TANK: variants seen among roughly 807,000 people sequenced by gnomAD.
The protein encoded by TANK is TRAF family member associated NFKB activator, also known as TRAF family member-associated NF-kappa-B activator.
TANK carries 15 observed loss-of-function variants against 43.6 expected under a neutral mutation model. That is an observed-to-expected ratio of 0.34 (90% confidence interval 0.23 to 0.53). The LOEUF (loss-of-function observed/expected upper bound fraction) is 0.53. TANK is among the 20% of genes least tolerant of loss of function. The pLI is 0.94. For missense variants in TANK, 417 were observed against 498.6 expected (o/e 0.84, Z 1.56); for synonymous variants, 162 against 178.2 (o/e 0.91, Z 0.73).
At position 161,187,666 on chromosome 2, in the gene TANK, C is replaced by T. The variant is rs1018733721; in HGVS notation, c.99+7905C>T. On this transcript the variant is annotated intron_variant, in intron 2 of 7. Transcript: ENST00000392749. ...TAAACACTTTAAATAATGGATAGAA[C>T]AACTAGACAAAAGATCTGTATGGAA... 2.6e-5 allele frequency among the ~76,000 whole-genome samples: 4 copies of T among 152,100 alleles called. No homozygotes were observed. In the East Asian group the frequency reaches 7.7e-4, roughly 29 times the overall value.
At chr2:161,194,390 A>G (rs562985162) in intron 2 of TANK, among the ~76,000 whole-genome samples, 236 of 152,236 alleles carry the variant, frequency 1.6e-3, no homozygotes, top group African/African-American at 5.4e-3. Flanking sequence ...CCTTAATTCT[A>G]AAATTATTCA....
At chr2:161,162,600 C>G (rs1314977162) in intron 1 of TANK, 2 of 151,906 alleles carry the variant, frequency 1.3e-5, no homozygotes, top group Non-Finnish European at 2.9e-5. Context: ...TATCTTGTTT[C>G]TTAGTTTGGG....
chr2:161,166,799 A>AAAAAAAC (rs1684702098), intron 1 of TANK, among the ~76,000 whole-genome samples: 1 of 152,096 alleles, frequency 6.6e-6, no homozygotes. Context: ...CTGTCTCAAA[A>AAAAAAAC]AAAAAACAAA....
At chr2:161,191,853 G>T (rs1036548293) in intron 2 of TANK, among the ~76,000 whole-genome samples, 3 of 151,906 alleles carry the variant, frequency 2.0e-5, no homozygotes, top group Non-Finnish European at 2.9e-5. Context: ...GAGTGCAGTG[G>T]CGCTCACTTG....
At chr2:161,194,427 T>C (rs1574016574) in intron 2 of TANK, among the ~76,000 whole-genome samples, 2 of 152,168 alleles carry the variant, frequency 1.3e-5, no homozygotes, top group East Asian at 3.8e-4. Flanking sequence ...AACTGCTTTT[T>C]CTTTGTACCG....
At chr2:161,233,030 G>A (rs1198606318) in intron 7 of TANK, 27 of 614,898 alleles carry the variant, frequency 4.4e-5, no homozygotes, top group Non-Finnish European at 7.1e-5. Context: ...TATTTTATTA[G>A]TATTAATAAA....
Position 161,226,564 on chromosome 2 carries a change from G to A in TANK, c.520+1818G>A, listed in dbSNP as rs373163580. Among the ~76,000 whole-genome samples the A allele has an allele frequency of 4.6e-5, 7 of 152,146 alleles. No individual in the cohort carries two copies. In the East Asian group the frequency reaches 5.8e-4, roughly 13 times the overall value. Reference sequence around the variant, plus strand: ...TGAATATGATTTGCACAATATATCTGGGAAGAGTACGTGTATTGTCCCTAT... The same window carrying A: ...TGAATATGATTTGCACAATATATCTAGGAAGAGTACGTGTATTGTCCCTAT... On this transcript the variant is annotated intron_variant, in intron 6 of 7. Coordinates refer to ENST00000392749, the MANE Select transcript of TANK (RefSeq NM_001199135.3).
intron 1 of TANK, among the ~76,000 whole-genome samples, chr2:161,177,725 A>G (rs1435314556): frequency 6.6e-6 from 1 of 152,154 alleles, no homozygotes; most frequent in Non-Finnish European, 1.5e-5. Context: ...GACACTATCA[A>G]GAAGTGAAAA....
chr2:161,209,302 C>T (rs1686780092), intron 4 of TANK, among the ~76,000 whole-genome samples: 1 of 152,078 alleles, frequency 6.6e-6, no homozygotes, highest in Non-Finnish European at 1.5e-5. Context: ...CAAAAATGCA[C>T]ACAATTATTC....
chr2:161,229,291 C>T (rs1033654701), intron 6 of TANK, among the ~76,000 whole-genome samples: 1 of 152,106 alleles, frequency 6.6e-6, no homozygotes, highest in Non-Finnish European at 1.5e-5. Flanking sequence ...GGAGAGATGA[C>T]CAGGGGCCAG....
At chr2:161,199,888 A>G (rs569115479) in intron 2 of TANK, among the ~76,000 whole-genome samples, 1 of 152,190 alleles carries the variant, frequency 6.6e-6, no homozygotes. Flanking sequence ...TATACAAATA[A>G]CATAATAATA....
At chr2:161,139,897 A>AACAATTT in intron 1 of TANK, 2 of 984,604 alleles carry the variant, frequency 2.0e-6, no homozygotes, top group Non-Finnish European at 2.4e-6. Context: ...CAACTGTGGT[A>AACAATTT]AGCAAAATGT....
At position 161,203,566 on chromosome 2, in the gene TANK, C is replaced by T. The variant is rs538780037; in HGVS notation, c.179C>T (p.Ser60Phe). Reference protein sequence around the residue: ...LQQTIIDKLKSQLLLVNSTQD... With the variant: ...LQQTIIDKLKFQLLLVNSTQD... ...CAGACTATTATTGACAAGCTAAAAT[C>T]TCAGTTACTTCTTGTGAATTCCACT... The change falls in exon 3 of 8, where the codon TCT becomes TTT. Residue 60 changes from serine to phenylalanine, a missense_variant. Coordinates refer to ENST00000392749, the MANE Select transcript of TANK (RefSeq NM_001199135.3). 1.1e-5 allele frequency: 17 copies of T among 1,611,020 alleles called. No homozygotes were observed. The South Asian group carries it at 1.5e-4, about 15-fold the overall frequency.
intron 1 of TANK, among the ~76,000 whole-genome samples, chr2:161,146,642 C>T (rs1011890184): frequency 6.6e-6 from 1 of 152,116 alleles, no homozygotes; most frequent in Non-Finnish European, 1.5e-5. Flanking sequence ...TTTGCTCTTG[C>T]ACCTGGAGAC....
chr2:161,215,496 T>TTGA (rs1022722427), intron 4 of TANK, among the ~76,000 whole-genome samples: 4 of 152,224 alleles, frequency 2.6e-5, no homozygotes, highest in Non-Finnish European at 5.9e-5. Flanking sequence ...AAAAGATAGT[T>TTGA]TGATAGTAGA....
At chr2:161,144,718 T>A (rs1482276696) in intron 1 of TANK, among the ~76,000 whole-genome samples, 3 of 152,218 alleles carry the variant, frequency 2.0e-5, no homozygotes, top group Admixed American at 6.5e-5. Flanking sequence ...TACTTCCAAT[T>A]ATGTGGTCTA....
intron 1 of TANK, among the ~76,000 whole-genome samples, chr2:161,171,458 A>G (rs951463736): frequency 2.6e-5 from 4 of 152,212 alleles, no homozygotes; most frequent in Non-Finnish European, 5.9e-5. Flanking sequence ...CCAGCAGCCT[A>G]TGGATGTCCT....
intron 1 of TANK, among the ~76,000 whole-genome samples, chr2:161,168,991 A>T (rs1337546336): frequency 6.6e-6 from 1 of 152,250 alleles, no homozygotes; most frequent in African/African-American, 2.4e-5. Context: ...AGATATTTTT[A>T]GTTATGCAAA....
chr2:161,137,355 C>A (rs1357351194), intron 1 of TANK: 2 of 378,294 alleles, frequency 5.3e-6, no homozygotes, highest in East Asian at 1.6e-4. Flanking sequence ...GAGACCCCAT[C>A]TCTATTTAAT....
Sources: gnomAD v4.1 joint callset for allele counts (sites outside exome capture counted in the v4.1 genomes callset) on GRCh38, gnomAD v4.1.1 for gene constraint, MANE v1.5 for transcripts, NCBI Gene and HGNC (gene_info 2026-07-23, HGNC 2026-07-21) for gene names.